LAMA3: variants seen among roughly 807,000 people sequenced by gnomAD.
The protein encoded by LAMA3 is laminin subunit alpha-3.
Under a neutral mutation model 402.0 loss-of-function variants are expected in LAMA3, and 281 were observed. That is an observed-to-expected ratio of 0.70 (90% CI 0.63 to 0.77). LAMA3 has a LOEUF of 0.77. LAMA3 is among the 30% of genes least tolerant of loss of function. LAMA3 has a pLI of 0.00. For synonymous variants in LAMA3, 1,431 were observed against 1,558.4 expected, an observed-to-expected ratio of 0.92 and a Z score of 1.93; for missense variants, 3,840 against 4,215.5, an observed-to-expected ratio of 0.91 and a Z score of 2.47.
chr18:23,734,745 T>A (rs528600797), intron 2 of LAMA3, among the ~76,000 whole-genome samples: 24 of 151,488 alleles, frequency 1.6e-4, no homozygotes, highest in African/African-American at 5.8e-4. Context: ...GCACCAGGAG[T>A]TTCAAGGAGC....
At chr18:23,870,305 A>G (rs912356435) in intron 37 of LAMA3, among the ~76,000 whole-genome samples, 2 of 152,112 alleles carry the variant, frequency 1.3e-5, no homozygotes, top group Non-Finnish European at 2.9e-5. Context: ...TTTGTCTCAA[A>G]AAAAAAACAA....
intron 50 of LAMA3, 85 bp from the exon 51 acceptor site, chr18:23,904,468 A>G (rs1051613118): frequency 1.5e-6 from 2 of 1,369,848 alleles, no homozygotes; most frequent in African/African-American, 1.5e-5. Flanking sequence ...GAAAAAATAA[A>G]AAGAAGAAAT....
chr18:23,867,136 A>C (rs2064377575), intron 36 of LAMA3, among the ~76,000 whole-genome samples: 1 of 152,108 alleles, frequency 6.6e-6, no homozygotes, highest in African/African-American at 2.4e-5. Flanking sequence ...GCATGTGCCA[A>C]CCCTCTGCCC....
At chr18:23,928,462 C>T (rs1212585635) in intron 63 of LAMA3, among the ~76,000 whole-genome samples, 163 bp from the exon 64 acceptor site, 1 of 152,212 alleles carries the variant, frequency 6.6e-6, no homozygotes, top group Non-Finnish European at 1.5e-5. Context: ...CAAAAACTTA[C>T]AGATGATTGC....
At chr18:23,823,582 T>G (rs1401548404) in intron 20 of LAMA3, among the ~76,000 whole-genome samples, 1 of 152,174 alleles carries the variant, frequency 6.6e-6, no homozygotes, top group Admixed American at 6.5e-5. Flanking sequence ...TCCTCTCTGG[T>G]CCTCACCAGC....
At chr18:23,779,646 G>GT (rs1284547710) in intron 11 of LAMA3, among the ~76,000 whole-genome samples, 3 of 152,130 alleles carry the variant, frequency 2.0e-5, no homozygotes, top group Non-Finnish European at 4.4e-5. Context: ...TCTTCTGGCT[G>GT]TTTTTGAAAG....
intron 44 of LAMA3, among the ~76,000 whole-genome samples, chr18:23,896,654 G>A (rs2080885288): frequency 6.6e-6 from 1 of 152,196 alleles, no homozygotes; most frequent in South Asian, 2.1e-4. Flanking sequence ...GGGCTAAAAA[G>A]CAGCCTGGAA....
At chr18:23,691,970 A>G (rs2060596793) in intron 1 of LAMA3, among the ~76,000 whole-genome samples, 1 of 152,244 alleles carries the variant, frequency 6.6e-6, no homozygotes, top group Non-Finnish European at 1.5e-5. Flanking sequence ...GACCAGTCAC[A>G]TAATTTACAG....
At chr18:23,934,991 C>T (rs2082271414) in intron 67 of LAMA3, among the ~76,000 whole-genome samples, 1 of 152,166 alleles carries the variant, frequency 6.6e-6, no homozygotes, top group African/African-American at 2.4e-5. Flanking sequence ...GTCATTTTCC[C>T]ATTATGGGAA....
chr18:23,768,221 A>G (rs2062120264), intron 8 of LAMA3, among the ~76,000 whole-genome samples: 1 of 152,162 alleles, frequency 6.6e-6, no homozygotes, highest in Admixed American at 6.6e-5. Flanking sequence ...GTGGGAGAAA[A>G]TATTTGCAAA....
chr18:23,951,112 C>A (rs991528748), intron 72 of LAMA3, among the ~76,000 whole-genome samples: 3 of 152,196 alleles, frequency 2.0e-5, no homozygotes, highest in Non-Finnish European at 4.4e-5. Flanking sequence ...CTTGATTCAA[C>A]TCTTGGAAGA....
At position 23,901,444 on chromosome 18, in the gene LAMA3, G is replaced by A. The variant is rs2081069327; in HGVS notation, c.6201+121G>A. ...CTGTACATCTCATTATACCACCTCAGACCCAGATCAGACAGGAACAAAGCG... is the reference window on the plus strand; with the variant it reads ...CTGTACATCTCATTATACCACCTCAAACCCAGATCAGACAGGAACAAAGCG... On this transcript the variant is annotated intron_variant, in intron 48 of 74. Coordinates refer to ENST00000313654, the MANE Select transcript of LAMA3 (RefSeq NM_198129.4). 6 of 794,866 alleles carry A rather than the reference G, an allele frequency of 7.5e-6. No homozygotes were observed. In the East Asian group the frequency reaches 1.1e-4, roughly 14 times the overall value. The allele number at this position is 794,866 out of a possible 1,614,324, so 49.2% of individuals were successfully genotyped here.
At chr18:23,716,341 T>C (rs2061099144) in intron 2 of LAMA3, among the ~76,000 whole-genome samples, 1 of 152,266 alleles carries the variant, frequency 6.6e-6, no homozygotes. Context: ...GTATTTTAAG[T>C]AGAGACAGGG....
intron 2 of LAMA3, among the ~76,000 whole-genome samples, chr18:23,735,772 A>T (rs1393717182): frequency 6.6e-6 from 1 of 151,838 alleles, no homozygotes; most frequent in Non-Finnish European, 1.5e-5. Context: ...TTTTTTCCAG[A>T]TGGTGAGTGT....
Position 23,834,227 on chromosome 18 carries a change from T to C in LAMA3, c.2984+239T>C, listed in dbSNP as rs1018733092. On this transcript the variant is annotated intron_variant, in intron 24 of 74. Coordinates refer to ENST00000313654, the MANE Select transcript of LAMA3 (RefSeq NM_198129.4). Reference sequence around the variant, plus strand: ...AAAGCTGTATGCTGTACTTAGCAATTTGGTTCAGATTCACATGGCACAGCA... The same window carrying C: ...AAAGCTGTATGCTGTACTTAGCAATCTGGTTCAGATTCACATGGCACAGCA... 4 of 511,420 alleles carry C rather than the reference T, an allele frequency of 7.8e-6. No individual in the cohort carries two copies. The East Asian group carries it at 1.5e-4, about 19-fold the overall frequency. 31.7% of individuals were successfully genotyped at this position (511,420 alleles called of 1,614,324 possible). A position where few individuals can be genotyped will look rare whatever the true frequency, so the allele number is the denominator to read the frequency against.
Position 23,857,992 on chromosome 18 carries a change from A to G in LAMA3, c.4281+4A>G, listed in dbSNP as rs1279573534. 3 of 1,614,178 alleles carry G rather than the reference A, an allele frequency of 1.9e-6. No homozygotes were observed. Among genetic ancestry groups the G allele is most frequent in the Non-Finnish European group, 2.5e-6 (3 of 1,180,014 alleles). ...GACCGGGGCTTGCCTCTGCAAGGTA[A>G]GAGAGATCGTGCAATGCCAGACAAC... On this transcript the variant is annotated splice_donor_region_variant and intron_variant, in intron 33 of 74. Coordinates refer to ENST00000313654, the MANE Select transcript of LAMA3 (RefSeq NM_198129.4).
intron 70 of LAMA3, chr18:23,946,613 A>G (rs867480151): frequency 1.4e-4 from 38 of 271,374 alleles, no homozygotes; most frequent in African/African-American, 8.1e-4. Flanking sequence ...TTTTTGGTTA[A>G]CATAATGTGT....
chr18:23,870,905 G>A (rs2064497494), intron 37 of LAMA3, among the ~76,000 whole-genome samples: 1 of 152,180 alleles, frequency 6.6e-6, no homozygotes, highest in African/African-American at 2.4e-5. Context: ...GATCTGTTGT[G>A]CAATGTTGTG....
At chr18:23,794,908 C>T (rs73969526) in intron 12 of LAMA3, among the ~76,000 whole-genome samples, 4,970 of 152,196 alleles carry the variant, frequency 0.033, 264 homozygotes, top group African/African-American at 0.11. Flanking sequence ...CACAAACTCT[C>T]GACATTATTT....
Sources: gnomAD v4.1 joint callset for allele counts (sites outside exome capture counted in the v4.1 genomes callset) on GRCh38, gnomAD v4.1.1 for gene constraint, MANE v1.5 for transcripts, NCBI Gene and HGNC (gene_info 2026-07-23, HGNC 2026-07-21) for gene names.